The following ADCY1 variants were observed in gnomAD, a reference collection of about 807,000 sequenced individuals.
The protein encoded by ADCY1 is adenylate cyclase type 1.
In ADCY1, 28 loss-of-function variants were observed where a neutral mutation model predicts 105.4. The observed-to-expected ratio is 0.27, with a 90% CI of 0.20 to 0.36. The LOEUF (loss-of-function observed/expected upper bound fraction) is 0.36, where lower values mean the gene tolerates loss of function less well. Ranked by LOEUF, ADCY1 falls within the 10% of genes least tolerant of loss-of-function variation. The pLI, the probability that ADCY1 is intolerant of heterozygous loss-of-function variation, is 1.00. For missense variants in ADCY1, 977 were observed against 1,434.2 expected (o/e 0.68, Z 5.15); for synonymous variants, 655 against 623.8 (o/e 1.05, Z -0.75).
intron 14 of ADCY1, among the ~76,000 whole-genome samples, chr7:45,689,977 T>C (rs1476256935): frequency 6.6e-6 from 1 of 152,220 alleles, no homozygotes; most frequent in Non-Finnish European, 1.5e-5. Context: ...CCAGGCCCCC[T>C]GTGGGCAGTG....
chr7:45,706,193 T>C (rs1466432159), intron 17 of ADCY1, among the ~76,000 whole-genome samples: 2 of 152,096 alleles, frequency 1.3e-5, no homozygotes, highest in Non-Finnish European at 2.9e-5. Context: ...GTTGACAAAA[T>C]GATCCTAAGT....
At chr7:45,689,770 G>C (rs960465982) in intron 14 of ADCY1, among the ~76,000 whole-genome samples, 1 of 152,258 alleles carries the variant, frequency 6.6e-6, no homozygotes, top group African/African-American at 2.4e-5. Context: ...CCTGACTGCG[G>C]CCACAGTGGG....
intron 2 of ADCY1, among the ~76,000 whole-genome samples, chr7:45,600,775 C>T (rs1037578801): frequency 1.3e-5 from 2 of 152,226 alleles, no homozygotes; most frequent in East Asian, 1.9e-4. Context: ...GCCATCTTCT[C>T]CCTGTGTCCT....
intron 8 of ADCY1, among the ~76,000 whole-genome samples, chr7:45,667,925 T>C (rs1333033100): frequency 3.3e-5 from 5 of 152,238 alleles, no homozygotes; most frequent in Non-Finnish European, 7.3e-5. Context: ...GATTTAGCTC[T>C]GTTTGTCTGT....
At chr7:45,596,778 G>A (rs1399542187) in intron 2 of ADCY1, among the ~76,000 whole-genome samples, 1 of 152,202 alleles carries the variant, frequency 6.6e-6, no homozygotes, top group Non-Finnish European at 1.5e-5. Context: ...TGGCTTGACC[G>A]GTAGAGAGTG....
intron 6 of ADCY1, among the ~76,000 whole-genome samples, chr7:45,658,841 G>A (rs1037250158): frequency 3.3e-5 from 5 of 152,222 alleles, no homozygotes; most frequent in African/African-American, 1.2e-4. Context: ...GGCCCCTCCG[G>A]GGGGGCAGGA....
At chr7:45,684,903 A>G in intron 11 of ADCY1, 76 bp from the exon 12 acceptor site, 2 of 1,318,112 alleles carry the variant, frequency 1.5e-6, no homozygotes, top group Non-Finnish European at 2.2e-6. Context: ...ACATTCCACT[A>G]TAGGAAGTAT....
intron 4 of ADCY1, among the ~76,000 whole-genome samples, chr7:45,624,797 CTT>C (rs989491254): frequency 6.6e-6 from 1 of 152,188 alleles, no homozygotes; most frequent in Non-Finnish European, 1.5e-5. Context: ...ATCTTGGGAA[CTT>C]TTTTCTGGAG....
intron 17 of ADCY1, among the ~76,000 whole-genome samples, chr7:45,704,907 A>G (rs925854298): frequency 3.1e-5 from 4 of 129,968 alleles, no homozygotes; most frequent in African/African-American, 8.9e-5. Context: ...GCACTGGCCC[A>G]CCTCCTCAGC....
At chr7:45,684,211 C>G (rs890122210) in intron 11 of ADCY1, among the ~76,000 whole-genome samples, 1 of 152,246 alleles carries the variant, frequency 6.6e-6, no homozygotes, top group Non-Finnish European at 1.5e-5. Flanking sequence ...AACCCACCAG[C>G]TGGGTAAGCT....
intron 18 of ADCY1, among the ~76,000 whole-genome samples, chr7:45,709,935 A>G (rs6961888): frequency 0.42 from 64,278 of 152,022 alleles, 14,061 homozygotes; most frequent in African/African-American, 0.49. Context: ...CTGGGTTGTC[A>G]CGATGCTGTC....
chr7:45,702,802 C>G (rs1461500179), intron 14 of ADCY1, among the ~76,000 whole-genome samples: 1 of 152,236 alleles, frequency 6.6e-6, no homozygotes, highest in Admixed American at 6.5e-5. Flanking sequence ...ACTCTTTGCC[C>G]CAGGGGGCTG....
At chr7:45,603,386 G>A (rs1718833209) in intron 2 of ADCY1, among the ~76,000 whole-genome samples, 1 of 152,186 alleles carries the variant, frequency 6.6e-6, no homozygotes, top group Non-Finnish European at 1.5e-5. Context: ...CTGCTAGACT[G>A]TTTTCCAAAG....
chr7:45,672,957 C>A (rs1438102659), intron 8 of ADCY1, among the ~76,000 whole-genome samples: 1 of 152,100 alleles, frequency 6.6e-6, no homozygotes, highest in Non-Finnish European at 1.5e-5. Flanking sequence ...TGTAGATGTT[C>A]TTAATCAAGT....
intron 3 of ADCY1, among the ~76,000 whole-genome samples, chr7:45,612,967 G>A (rs973785298): frequency 1.3e-5 from 2 of 152,202 alleles, no homozygotes; most frequent in African/African-American, 4.8e-5. Context: ...TGATTGGTGA[G>A]AGTCTCCTCC....
chr7:45,636,809 G>A (rs1043251529), intron 4 of ADCY1, among the ~76,000 whole-genome samples: 1 of 152,176 alleles, frequency 6.6e-6, no homozygotes, highest in African/African-American at 2.4e-5. Context: ...CCAAAGTGCT[G>A]GGATTACAGG....
intron 6 of ADCY1, among the ~76,000 whole-genome samples, chr7:45,659,098 C>A (rs1795020430): frequency 6.6e-6 from 1 of 152,190 alleles, no homozygotes; most frequent in South Asian, 2.1e-4. Context: ...GCAGTCCCTC[C>A]CTGTCCCTCC....
chr7:45,660,392 C>T (rs1376113254), intron 7 of ADCY1, among the ~76,000 whole-genome samples: 1 of 152,216 alleles, frequency 6.6e-6, no homozygotes, highest in African/African-American at 2.4e-5. Flanking sequence ...GAGCCAGAAC[C>T]CCTAGTCAGA....
chr7:45,623,140 G>A (rs573642719), intron 4 of ADCY1, among the ~76,000 whole-genome samples: 7 of 152,298 alleles, frequency 4.6e-5, no homozygotes, highest in African/African-American at 9.6e-5. Flanking sequence ...CTGATTCTGG[G>A]TCTGCCACCC....
Sources: gnomAD v4.1 joint callset for allele counts (sites outside exome capture counted in the v4.1 genomes callset) on GRCh38, gnomAD v4.1.1 for gene constraint, MANE v1.5 for transcripts, NCBI Gene and HGNC (gene_info 2026-07-23, HGNC 2026-07-21) for gene names.